RYR3: variants seen among roughly 807,000 people sequenced by gnomAD.
RYR3 encodes the protein ryanodine receptor 3.
Under a neutral mutation model 584.3 loss-of-function variants are expected in RYR3, and 207 were observed. That is an observed-to-expected ratio of 0.35 (90% CI 0.32 to 0.40). The LOEUF (loss-of-function observed/expected upper bound fraction) is 0.40, where lower values mean the gene tolerates loss of function less well. RYR3 is among the 10% of genes least tolerant of loss of function. RYR3 has a pLI of 1.00. For synonymous variants in RYR3, 2,416 were observed against 2,248.5 expected, an observed-to-expected ratio of 1.07 and a Z score of -2.11; for missense variants, 5,616 against 6,089.2, an observed-to-expected ratio of 0.92 and a Z score of 2.59.
Position 33,788,213 on chromosome 15 carries a change from C to T in RYR3, c.9590-5C>T, listed in dbSNP as rs368487002. 58 of 1,613,516 alleles carry T rather than the reference C, an allele frequency of 3.6e-5. No individual in the cohort carries two copies. The highest frequency in any genetic ancestry group is 2.0e-4 in the South Asian group (18 of 91,078). Reference sequence around the variant, plus strand: ...AAATGACGGGGAGGCTCTTTGTAAACGCAGTGTATGCACAGCCCATCATCA... The same window carrying T: ...AAATGACGGGGAGGCTCTTTGTAAATGCAGTGTATGCACAGCCCATCATCA... On this transcript the variant is annotated splice_region_variant and splice_polypyrimidine_tract_variant and intron_variant, in intron 66 of 103. Transcript: ENST00000634891.
chr15:33,595,282 T>G (rs1303293692), intron 16 of RYR3, among the ~76,000 whole-genome samples: 1 of 152,206 alleles, frequency 6.6e-6, no homozygotes, highest in African/African-American at 2.4e-5. Flanking sequence ...AGAAACAGCA[T>G]GAAGTCAATT....
chr15:33,470,532 CT>C (rs1303879188), intron 1 of RYR3, among the ~76,000 whole-genome samples: 1 of 151,586 alleles, frequency 6.6e-6, no homozygotes, highest in Non-Finnish European at 1.5e-5. Flanking sequence ...TTTCTAGGAA[CT>C]GGAAGTCTTT....
intron 19 of RYR3, among the ~76,000 whole-genome samples, chr15:33,617,342 G>A (rs1016756429): frequency 6.6e-6 from 1 of 152,046 alleles, no homozygotes; most frequent in Non-Finnish European, 1.5e-5. Flanking sequence ...AACCTGGGAG[G>A]CGGAGCTTGC....
intron 70 of RYR3, among the ~76,000 whole-genome samples, chr15:33,810,047 A>T (rs1364646507): frequency 6.6e-6 from 1 of 152,226 alleles, no homozygotes; most frequent in Non-Finnish European, 1.5e-5. Flanking sequence ...CCAAAACACC[A>T]GCTTCAGCTT....
intron 55 of RYR3, 37 bp from the exon 56 acceptor site, chr15:33,749,942 C>G: frequency 6.3e-7 from 1 of 1,594,356 alleles, no homozygotes; most frequent in Non-Finnish European, 8.6e-7. Flanking sequence ...TGCCTGCTTT[C>G]TTTCTTTTTG....
chr15:33,794,318 T>TAAACATATAAAA (rs1345619753), intron 67 of RYR3, among the ~76,000 whole-genome samples: 10 of 93,606 alleles, frequency 1.1e-4, no homozygotes, highest in South Asian at 5.3e-4. Flanking sequence ...TTTATATATA[T>TAAACATATAAAA]ATATTTTTAT....
chr15:33,789,362 G>A (rs535890086), intron 67 of RYR3, among the ~76,000 whole-genome samples: 1 of 151,902 alleles, frequency 6.6e-6, no homozygotes, highest in East Asian at 1.9e-4. Flanking sequence ...AGCAGGGAAG[G>A]AAGAAGACCA....
chr15:33,631,130 T>A (rs1207908910), intron 22 of RYR3, 80 bp from the exon 23 acceptor site: 4 of 876,080 alleles, frequency 4.6e-6, no homozygotes. Flanking sequence ...TTGTCTGTTT[T>A]CAACTCGGAT....
chr15:33,781,166 TTG>T (rs1203534897), intron 65 of RYR3, among the ~76,000 whole-genome samples: 19 of 152,300 alleles, frequency 1.2e-4, no homozygotes, highest in Middle Eastern at 6.8e-3. Flanking sequence ...TGGAGGGTGC[TTG>T]TATCTGGGTT....
At chr15:33,568,493 A>G (rs932494406) in intron 12 of RYR3, among the ~76,000 whole-genome samples, 16 of 151,132 alleles carry the variant, frequency 1.1e-4, no homozygotes, top group African/African-American at 1.9e-4. Context: ...TTTGTTTGAG[A>G]TAGGGTCTCA....
intron 27 of RYR3, among the ~76,000 whole-genome samples, chr15:33,637,956 C>T (rs929440298): frequency 6.6e-6 from 1 of 152,122 alleles, no homozygotes; most frequent in South Asian, 2.1e-4. Flanking sequence ...TCCCCGCTCC[C>T]CCCATCCCAC....
chr15:33,826,618 G>A (rs776434327), intron 83 of RYR3, 54 bp from the exon 84 acceptor site: 1 of 1,375,428 alleles, frequency 7.3e-7, no homozygotes, highest in Admixed American at 1.7e-5. Flanking sequence ...ACATTAGAAA[G>A]TATTCTCTGG....
At chr15:33,679,449 T>C (rs2064427639) in intron 38 of RYR3, among the ~76,000 whole-genome samples, 1 of 152,204 alleles carries the variant, frequency 6.6e-6, no homozygotes. Context: ...AAATAGGGCA[T>C]TAAAATGTGG....
chr15:33,580,572 T>C (rs1313263034), intron 13 of RYR3, among the ~76,000 whole-genome samples: 1 of 152,188 alleles, frequency 6.6e-6, no homozygotes, highest in Admixed American at 6.5e-5. Context: ...TATGTCAGAA[T>C]TGAGCATCTG....
intron 89 of RYR3, 103 bp from the exon 90 acceptor site, chr15:33,840,722 G>A (rs2078306098): frequency 3.1e-6 from 3 of 954,344 alleles, no homozygotes; most frequent in Admixed American, 2.0e-5. Context: ...AACATGAAAA[G>A]CCATTGAAAT....
At chr15:33,767,937 G>A (rs778831328) in intron 60 of RYR3, among the ~76,000 whole-genome samples, 8 of 152,196 alleles carry the variant, frequency 5.3e-5, no homozygotes, top group Non-Finnish European at 1.2e-4. Context: ...CCCTCATTAG[G>A]CACTGTGGAA....
intron 28 of RYR3, among the ~76,000 whole-genome samples, chr15:33,645,165 G>C (rs768991085): frequency 6.6e-6 from 1 of 152,152 alleles, no homozygotes; most frequent in Non-Finnish European, 1.5e-5. Flanking sequence ...ATTTTAAGCT[G>C]ACGTCTGATC....
chr15:33,369,178 C>T (rs1185874587), intron 1 of RYR3, among the ~76,000 whole-genome samples: 1 of 152,156 alleles, frequency 6.6e-6, no homozygotes, highest in Non-Finnish European at 1.5e-5. Flanking sequence ...TTGCCAAAGG[C>T]CACACACCTA....
intron 65 of RYR3, among the ~76,000 whole-genome samples, chr15:33,782,328 C>T (rs756634092): frequency 6.6e-5 from 10 of 152,130 alleles, no homozygotes; most frequent in Non-Finnish European, 8.8e-5. Flanking sequence ...TTCTATATAC[C>T]TTTGCATTGA....
Sources: allele counts gnomAD v4.1 joint callset (sites outside exome capture counted in the v4.1 genomes callset), GRCh38; gene constraint gnomAD v4.1.1; transcripts MANE v1.5; gene names NCBI Gene and HGNC (gene_info 2026-07-23, HGNC 2026-07-21).